ARHGAP21: variants seen among roughly 807,000 people sequenced by gnomAD.
ARHGAP21 encodes Rho GTPase activating protein 21, also known as rho GTPase-activating protein 21.
Under a neutral mutation model 164.6 loss-of-function variants are expected in ARHGAP21, and 38 were observed. The ratio of observed to expected loss-of-function variants is 0.23; its 90% CI spans 0.18 to 0.30. The LOEUF (loss-of-function observed/expected upper bound fraction) is 0.30. ARHGAP21 is among the 10% of genes least tolerant of loss of function. The pLI is 1.00. For synonymous variants in ARHGAP21, 766 were observed against 857.9 expected (o/e 0.89, Z 1.87); for missense variants, 1,822 against 2,370.7 (o/e 0.77, Z 4.81).
At chr10:24,605,127 T>G (rs1015853318) in intron 11 of ARHGAP21, among the ~76,000 whole-genome samples, 1 of 152,132 alleles carries the variant, frequency 6.6e-6, no homozygotes, top group Non-Finnish European at 1.5e-5. Flanking sequence ...CAGAAGACAC[T>G]GTAACTCTGA....
At chr10:24,689,514 C>T (rs551376257) in intron 2 of ARHGAP21, among the ~76,000 whole-genome samples, 114 of 152,158 alleles carry the variant, frequency 7.5e-4, no homozygotes, top group Non-Finnish European at 5.4e-4. Context: ...CCAAGGTGGG[C>T]GGATCGCCAG....
intron 16 of ARHGAP21, 131 bp downstream of exon 16, chr10:24,597,316 A>C (rs2076627077): frequency 4.9e-6 from 6 of 1,223,382 alleles, no homozygotes; most frequent in Non-Finnish European, 6.7e-6. Flanking sequence ...GCCCAGACCA[A>C]GCCTACTATG....
At chr10:24,681,643 T>C (rs912077137) in intron 2 of ARHGAP21, among the ~76,000 whole-genome samples, 1 of 151,720 alleles carries the variant, frequency 6.6e-6, no homozygotes, top group African/African-American at 2.4e-5. Flanking sequence ...ATTTTGTCTT[T>C]TTTTTTTTCC....
intron 9 of ARHGAP21, 84 bp from the exon 10 acceptor site, chr10:24,607,987 G>T: frequency 7.7e-7 from 1 of 1,297,114 alleles, no homozygotes; most frequent in Non-Finnish European, 1.0e-6. Flanking sequence ...TTATTAAGGG[G>T]GTCAGATAAG....
intron 2 of ARHGAP21, among the ~76,000 whole-genome samples, chr10:24,694,004 A>C (rs1167964031): frequency 6.6e-6 from 1 of 152,180 alleles, no homozygotes; most frequent in Non-Finnish European, 1.5e-5. Context: ...TCAGGACAAA[A>C]TCAGGTACAA....
At chr10:24,691,170 G>A (rs1842738181) in intron 2 of ARHGAP21, among the ~76,000 whole-genome samples, 2 of 152,172 alleles carry the variant, frequency 1.3e-5, no homozygotes, top group South Asian at 4.1e-4. Flanking sequence ...GCCTTTCAGG[G>A]TAAGAGGATC....
chr10:24,614,310 C>G (rs575397936), intron 9 of ARHGAP21, among the ~76,000 whole-genome samples: 114 of 152,234 alleles, frequency 7.5e-4, no homozygotes, highest in Non-Finnish European at 1.4e-3. Flanking sequence ...AAAAGGCCTA[C>G]AATTACGAAT....
intron 2 of ARHGAP21, among the ~76,000 whole-genome samples, chr10:24,699,107 A>G (rs1342239701): frequency 6.6e-6 from 1 of 152,138 alleles, no homozygotes; most frequent in African/African-American, 2.4e-5. Context: ...TTAGCTCTTC[A>G]GTACTGTGTA....
intron 4 of ARHGAP21, among the ~76,000 whole-genome samples, chr10:24,642,434 G>A (rs1456281590): frequency 6.8e-6 from 1 of 146,472 alleles, no homozygotes; most frequent in African/African-American, 2.5e-5. Flanking sequence ...AGAATGGCGT[G>A]AACCTGGGAG....
chr10:24,590,166 G>A, intron 24 of ARHGAP21: 1 of 1,393,770 alleles, frequency 7.2e-7, no homozygotes, highest in Non-Finnish European at 9.3e-7. Flanking sequence ...TTTAACACAT[G>A]GCTAAATGCT....
At chr10:24,683,523 G>A (rs1257978863) in intron 2 of ARHGAP21, among the ~76,000 whole-genome samples, 6 of 150,754 alleles carry the variant, frequency 4.0e-5, no homozygotes, top group Non-Finnish European at 5.9e-5. Flanking sequence ...ACAGAGTCTC[G>A]CTCTGTTGCC....
intron 2 of ARHGAP21, among the ~76,000 whole-genome samples, chr10:24,715,957 G>A (rs903249328): frequency 1.6e-4 from 24 of 152,128 alleles, no homozygotes; most frequent in South Asian, 2.1e-4. Flanking sequence ...TGCTGTGAGC[G>A]CAGATTGCAC....
At chr10:24,587,331 C>T (rs2076147243) in intron 25 of ARHGAP21, among the ~76,000 whole-genome samples, 1 of 151,962 alleles carries the variant, frequency 6.6e-6, no homozygotes, top group African/African-American at 2.4e-5. Flanking sequence ...TAAATATCTG[C>T]TGGTTTACCA....
At chr10:24,591,163 CT>C in intron 24 of ARHGAP21, 61 bp downstream of exon 24, 2 of 1,346,186 alleles carry the variant, frequency 1.5e-6, no homozygotes, top group Non-Finnish European at 2.1e-6. Flanking sequence ...TTGATTTGCT[CT>C]TTCATATTGT....
At chr10:24,595,691 G>C in intron 19 of ARHGAP21, 26 bp downstream of exon 19, 1 of 1,585,772 alleles carries the variant, frequency 6.3e-7, no homozygotes, top group Non-Finnish European at 8.6e-7. Context: ...CATTTCATCT[G>C]GTATCTTTCA....
chr10:24,658,659 C>T (rs1277439711), intron 4 of ARHGAP21, among the ~76,000 whole-genome samples: 1 of 152,060 alleles, frequency 6.6e-6, no homozygotes, highest in African/African-American at 2.4e-5. Context: ...TGGGAAACTT[C>T]ACACACTGGG....
At chr10:24,626,855 C>T (rs1386063044) in intron 7 of ARHGAP21, among the ~76,000 whole-genome samples, 2 of 152,070 alleles carry the variant, frequency 1.3e-5, no homozygotes, top group Non-Finnish European at 2.9e-5. Context: ...GAATGTAATA[C>T]TATTTATATT....
At chr10:24,658,806 A>T (rs1206294158) in intron 4 of ARHGAP21, among the ~76,000 whole-genome samples, 1 of 53,858 alleles carries the variant, frequency 1.9e-5, no homozygotes, top group African/African-American at 1.2e-4. Flanking sequence ...GTGCACATGT[A>T]CCCTAAAGTA....
At chr10:24,607,382 T>C (rs1313686177) in intron 11 of ARHGAP21, 117 bp downstream of exon 11, 18 of 855,054 alleles carry the variant, frequency 2.1e-5, no homozygotes, top group Non-Finnish European at 3.1e-5. Flanking sequence ...TTTATTTGCA[T>C]TTCTAATGTC....
Sources: gnomAD v4.1 joint callset for allele counts (sites outside exome capture counted in the v4.1 genomes callset) on GRCh38, gnomAD v4.1.1 for gene constraint, MANE v1.5 for transcripts, NCBI Gene and HGNC (gene_info 2026-07-23, HGNC 2026-07-21) for gene names.